The following HNRNPUL2 variants were observed in gnomAD, a reference collection of about 807,000 sequenced individuals.
The protein encoded by HNRNPUL2 is heterogeneous nuclear ribonucleoprotein U like 2, also known as heterogeneous nuclear ribonucleoprotein U-like protein 2.
Under a neutral mutation model 102.2 loss-of-function variants are expected in HNRNPUL2, and 27 were observed. The observed-to-expected ratio is 0.26, with a 90% CI of 0.19 to 0.36. HNRNPUL2 has a LOEUF of 0.36. Ranked by LOEUF, HNRNPUL2 falls within the 10% of genes least tolerant of loss-of-function variation. HNRNPUL2 has a pLI of 1.00. For missense variants in HNRNPUL2, 936 were observed against 981.1 expected, an observed-to-expected ratio of 0.95 and a Z score of 0.61; for synonymous variants, 458 against 387.2, an observed-to-expected ratio of 1.18 and a Z score of -2.15.
At chr11:62,723,062 C>T (rs188552382) in intron 4 of HNRNPUL2, among the ~76,000 whole-genome samples, 159 bp from the exon 5 acceptor site, 2 of 152,354 alleles carry the variant, frequency 1.3e-5, no homozygotes, top group South Asian at 4.1e-4. Flanking sequence ...GGATCAATTT[C>T]TTGGTTACTG....
At chr11:62,725,170 A>G (rs2083735345) in intron 1 of HNRNPUL2, among the ~76,000 whole-genome samples, 1 of 152,284 alleles carries the variant, frequency 6.6e-6, no homozygotes, top group Non-Finnish European at 1.5e-5. Context: ...GTTTTTAATA[A>G]TAATTTCTTT....
At chr11:62,725,155 G>A (rs1386207782) in intron 1 of HNRNPUL2, among the ~76,000 whole-genome samples, 1 of 152,156 alleles carries the variant, frequency 6.6e-6, no homozygotes, top group Non-Finnish European at 1.5e-5. Flanking sequence ...TGCAACACTA[G>A]GAAGGTTTTT....
rs759610664 is a variant in HNRNPUL2, at chr11:62,726,922, C to T, written c.235G>A (p.Glu79Lys). 2 of 1,524,958 alleles carry T rather than the reference C, an allele frequency of 1.3e-6. No individual in the cohort carries two copies. Among genetic ancestry groups the T allele is most frequent in the Non-Finnish European group, 1.7e-6 (2 of 1,145,992 alleles). The allele number at this position is 1,524,958 out of a possible 1,614,324, so 94.5% of individuals were successfully genotyped here. A position where few individuals can be genotyped will look rare whatever the true frequency, so the allele number is the denominator to read the frequency against. ...GGPGGDEEED[E>K]EEEEEDEEAL... ...TCCTCGTCCTCCTCCTCCTCCTCTT[C>T]GTCCTCCTCCTCGTCCCCGCCCGGG... The change falls in exon 1 of 14, where the codon GAA (glutamate) becomes AAA (lysine). Residue 79 changes from glutamate (E) to lysine (K), a missense_variant. Glu to Lys is a moderately conservative substitution (Grantham distance 56). Transcript: ENST00000301785.
Position 62,726,824 on chromosome 11 carries a change from C to A in HNRNPUL2, c.333G>T (p.Pro111=). Residue 111 remains proline, a synonymous_variant, in exon 1 of 14, where the codon CCG becomes CCT. Transcript: ENST00000301785. Reference sequence around the variant, plus strand: ...CCATGGCTGCCGCCTCCGGGGGCTCCGGCGGCGGCTGCGCGGCCTGACCCA... The same window carrying A: ...CCATGGCTGCCGCCTCCGGGGGCTCAGGCGGCGGCTGCGCGGCCTGACCCA... ...QALGQAAQPP[P]EPPEAAAMEA... is the part of the protein sequence containing the mutation. 1.9e-6 allele frequency: 3 copies of A among 1,591,472 alleles called. No homozygotes were observed. Among genetic ancestry groups the A allele is most frequent in the African/African-American group, 1.3e-5 (1 of 74,130 alleles).
intron 12 of HNRNPUL2, 124 bp downstream of exon 12, chr11:62,715,740 C>G: frequency 2.6e-6 from 3 of 1,150,368 alleles, no homozygotes; most frequent in Admixed American, 1.9e-5. Flanking sequence ...AGTAAATCTT[C>G]CAGAACATAT....
At chr11:62,722,421 G>A in intron 6 of HNRNPUL2, 41 bp from the exon 7 acceptor site, 4 of 1,594,762 alleles carry the variant, frequency 2.5e-6, no homozygotes, top group East Asian at 4.5e-5. Flanking sequence ...GGCTGACGAG[G>A]CTTTGGGTTG....
At chr11:62,721,467 G>C in intron 8 of HNRNPUL2, 44 bp from the exon 9 acceptor site, 1 of 1,529,884 alleles carries the variant, frequency 6.5e-7, no homozygotes, top group African/African-American at 1.4e-5. Flanking sequence ...CAAAACACAA[G>C]TTATATTGCA....
rs2083637563 is a variant in HNRNPUL2 at position 62,713,841 on chromosome 11, G to A, written c.*1458C>T. 6.6e-6 allele frequency: 1 copy of A among 152,288 alleles called. No homozygotes were observed. Among genetic ancestry groups the A allele is most frequent in the Non-Finnish European group, 1.5e-5 (1 of 68,090 alleles). 9.4% of individuals were successfully genotyped at this position (152,288 alleles called of 1,614,324 possible). On this transcript the variant is annotated 3_prime_UTR_variant, in exon 14 of 14. Transcript: ENST00000301785. ...GGCTGACAGTGCTGAGCAGGAGGATGAATGAAAACTGAAGCTAGACATTGA... is the reference window on the plus strand; with the variant it reads ...GGCTGACAGTGCTGAGCAGGAGGATAAATGAAAACTGAAGCTAGACATTGA...
At chr11:62,726,091 C>G (rs1230236066) in intron 1 of HNRNPUL2, among the ~76,000 whole-genome samples, 2 of 152,198 alleles carry the variant, frequency 1.3e-5, no homozygotes, top group Non-Finnish European at 2.9e-5. Context: ...TAGAGGCTCT[C>G]CCTTACAGCT....
intron 12 of HNRNPUL2, 30 bp from the exon 13 acceptor site, chr11:62,715,637 G>A (rs375510309): frequency 5.8e-6 from 9 of 1,547,478 alleles, no homozygotes; most frequent in Non-Finnish European, 8.0e-6. Context: ...AGGAGTGAAG[G>A]TTTATGGGTT....
chr11:62,721,873 G>C lies in HNRNPUL2; in HGVS notation c.1429C>G (p.Pro477Ala), dbSNP rs745810255. 2 of 1,614,092 alleles carry C rather than the reference G, an allele frequency of 1.2e-6. No homozygotes were observed. The highest frequency in any genetic ancestry group is 3.3e-5 in the Admixed American group (2 of 60,014). The change falls in exon 8 of 14, where the codon CCT (proline) becomes GCT (alanine). Residue 477 changes from proline to alanine, a missense_variant. This residue lies in a region of HNRNPUL2 where 609 missense variants were observed against 713.0 expected (regional missense o/e 0.85). Transcript: ENST00000301785. ...QWALKYAKEN[P>A]EKRYNVLGAE... The stretch of plus-strand genomic sequence containing the variant: ...CCCAGGACATTGTATCTTTTCTCAG[G>C]GTTTTCTTTTGCATATTTCAGTGCC...
At chr11:62,720,235 A>G (rs1463324830) in intron 9 of HNRNPUL2, 44 bp from the exon 10 acceptor site, 2 of 1,584,560 alleles carry the variant, frequency 1.3e-6, no homozygotes, top group African/African-American at 2.7e-5. Context: ...GAAAATTATC[A>G]CTCAGATTTA....
At chr11:62,719,959 A>G in intron 10 of HNRNPUL2, 64 bp downstream of exon 10, 2 of 1,453,252 alleles carry the variant, frequency 1.4e-6, no homozygotes, top group Non-Finnish European at 1.9e-6. Flanking sequence ...AACCTCTATT[A>G]CTTACAAATT....
chr11:62,715,644 G>A (rs1371141994), intron 12 of HNRNPUL2, 37 bp from the exon 13 acceptor site: 4 of 1,511,120 alleles, frequency 2.6e-6, no homozygotes, highest in African/African-American at 1.4e-5. Context: ...AAGGTTTATG[G>A]GTTTTTGGCA....
intron 3 of HNRNPUL2, 79 bp from the exon 4 acceptor site, chr11:62,723,805 T>C (rs2134780602): frequency 2.5e-6 from 4 of 1,602,026 alleles, no homozygotes; most frequent in East Asian, 2.2e-5. Context: ...ATACCAGTTG[T>C]TGTAGTGGAT....
chr11:62,724,887 T>C (rs1342507266), intron 1 of HNRNPUL2, among the ~76,000 whole-genome samples: 1 of 152,230 alleles, frequency 6.6e-6, no homozygotes, highest in Non-Finnish European at 1.5e-5. Flanking sequence ...TTTCTTTTAT[T>C]TCCCTTTCCT....
intron 13 of HNRNPUL2, 39 bp downstream of exon 13, chr11:62,715,461 C>A: frequency 2.5e-6 from 4 of 1,572,480 alleles, no homozygotes; most frequent in Non-Finnish European, 3.5e-6. Flanking sequence ...TCTGCTCCTG[C>A]CCCCCTTCAC....
chr11:62,724,093 T>G, intron 2 of HNRNPUL2, 103 bp from the exon 3 acceptor site: 1 of 1,206,038 alleles, frequency 8.3e-7, no homozygotes, highest in Non-Finnish European at 1.2e-6. Flanking sequence ...TCAGTGAATA[T>G]CAAATCCCAG....
rs765904242 is a variant in HNRNPUL2 at position 62,722,337 on chromosome 11, C to T, written c.1139G>A (p.Gly380Glu). ...EEVELSFSKN[G>E]EDLGVAFWIS... Reference sequence around the variant, plus strand: ...CCAGAATGCCACACCTAGGTCTTCTCCATTCTTGGAGAAGGAAAGTTCTAC... The same window carrying T: ...CCAGAATGCCACACCTAGGTCTTCTTCATTCTTGGAGAAGGAAAGTTCTAC... Residue 380 changes from glycine (G) to glutamate (E), a missense_variant, in exon 7 of 14, where the codon GGA becomes GAA. By Grantham distance (98) the Gly-to-Glu change is moderately conservative (BLOSUM62 -2). Coordinates refer to ENST00000301785, the MANE Select transcript of HNRNPUL2 (RefSeq NM_001079559.3). 1 of 1,613,952 alleles carries T rather than the reference C, an allele frequency of 6.2e-7. No individual in the cohort carries two copies. Among genetic ancestry groups the T allele is most frequent in the Non-Finnish European group, 8.5e-7 (1 of 1,179,854 alleles).
Sources: allele counts gnomAD v4.1 joint callset (sites outside exome capture counted in the v4.1 genomes callset), GRCh38; gene constraint gnomAD v4.1.1; regional missense constraint gnomAD v4.1.1; transcripts MANE v1.5; gene names NCBI Gene and HGNC (gene_info 2026-07-23, HGNC 2026-07-21).